The following RFTN2 variants were observed in gnomAD, a reference collection of about 807,000 sequenced individuals.
RFTN2 encodes raftlin-2.
In RFTN2, 34 loss-of-function variants were observed where a neutral mutation model predicts 52.7. That is an observed-to-expected ratio of 0.64 (90% CI 0.49 to 0.86). The LOEUF (loss-of-function observed/expected upper bound fraction) is 0.86. Among genes scored for constraint, RFTN2 ranks in the 40% least tolerant of loss-of-function variants. The probability of loss-of-function intolerance (pLI) is 0.00; values close to 1 mark genes in which losing one functional copy is unlikely to be tolerated. For synonymous variants in RFTN2, 203 were observed against 217.7 expected (o/e 0.93, Z 0.59); for missense variants, 536 against 600.1 (o/e 0.89, Z 1.12).
At chr2:197,589,915 CT>C (rs1180956420) in intron 8 of RFTN2, among the ~76,000 whole-genome samples, 1 of 151,252 alleles carries the variant, frequency 6.6e-6, no homozygotes. Flanking sequence ...TGTCTAAAAA[CT>C]TTTTTTTTGA....
At chr2:197,628,687 A>G (rs1001751372) in intron 5 of RFTN2, among the ~76,000 whole-genome samples, 5 of 152,198 alleles carry the variant, frequency 3.3e-5, no homozygotes, top group African/African-American at 4.8e-5. Flanking sequence ...GATCCACACT[A>G]AAAGTACTGT....
chr2:197,582,163 C>T (rs2087521149), intron 8 of RFTN2, among the ~76,000 whole-genome samples: 1 of 152,150 alleles, frequency 6.6e-6, no homozygotes, highest in African/African-American at 2.4e-5. Context: ...TTTTAGAGGC[C>T]CTCAAAATCA....
intron 1 of RFTN2, among the ~76,000 whole-genome samples, chr2:197,664,053 A>G (rs1016715374): frequency 1.3e-5 from 2 of 152,170 alleles, no homozygotes; most frequent in Admixed American, 1.3e-4. Context: ...CATTAACCCA[A>G]TAGTCATTCA....
chr2:197,667,143 G>A (rs987614867), intron 1 of RFTN2, among the ~76,000 whole-genome samples: 1 of 152,096 alleles, frequency 6.6e-6, no homozygotes, highest in Non-Finnish European at 1.5e-5. Flanking sequence ...ACCATGTCCA[G>A]CTAATTTTAT....
intron 8 of RFTN2, among the ~76,000 whole-genome samples, chr2:197,590,263 A>G (rs1484911047): frequency 6.6e-6 from 1 of 152,082 alleles, no homozygotes; most frequent in Non-Finnish European, 1.5e-5. Flanking sequence ...TTTTTTCCTA[A>G]TAGTTTTCTA....
At position 197,631,069 on chromosome 2, in the gene RFTN2, A is replaced by T; in HGVS notation, c.870T>A (p.Phe290Leu). 6.2e-7 allele frequency: 1 copy of T among 1,613,270 alleles called. No individual in the cohort carries two copies. The highest frequency in any genetic ancestry group is 8.5e-7 in the Non-Finnish European group (1 of 1,179,360). Residue 290 changes from phenylalanine (F) to leucine (L), a missense_variant, in exon 5 of 9, where the codon TTT becomes TTA. Transcript: ENST00000295049. ...TTAAAGACAAGCCTTGTTTATAATAAAAGGTAGTTAACTCCAGCCAATCAG... is the reference window on the plus strand; with the variant it reads ...TTAAAGACAAGCCTTGTTTATAATATAAGGTAGTTAACTCCAGCCAATCAG... ...LDADWLELTT[F>L]YYKQGLSLID...
intron 5 of RFTN2, among the ~76,000 whole-genome samples, chr2:197,619,871 T>C (rs534341910): frequency 2.7e-5 from 4 of 150,834 alleles, no homozygotes; most frequent in African/African-American, 9.6e-5. Context: ...AACACTTTTT[T>C]TTTTTTTTTT....
chr2:197,608,791 C>T (rs1038140623), intron 7 of RFTN2, among the ~76,000 whole-genome samples: 4 of 151,812 alleles, frequency 2.6e-5, no homozygotes, highest in Non-Finnish European at 5.9e-5. Flanking sequence ...CAGCTCCCCA[C>T]CCCACAACAG....
intron 5 of RFTN2, among the ~76,000 whole-genome samples, chr2:197,622,488 T>G (rs1421684445): frequency 6.6e-6 from 1 of 152,092 alleles, no homozygotes; most frequent in African/African-American, 2.4e-5. Flanking sequence ...GTATTTTTAG[T>G]AGAGGCGGGG....
Position 197,634,050 on chromosome 2 carries a change from T to C in RFTN2, c.439-53A>G, listed in dbSNP as rs569507517. 1.5e-4 allele frequency: 222 copies of C among 1,458,548 alleles called. 2 individuals carry two copies. In the East Asian group the frequency reaches 4.9e-3, roughly 32 times the overall value. 90.4% of individuals were successfully genotyped at this position (1,458,548 alleles called of 1,614,324 possible). Reference sequence around the variant, plus strand: ...AAAATGTAAACTCTATTTTCATTGATTACTTTATCAATTAACCTTTAGGCT... The same window carrying C: ...AAAATGTAAACTCTATTTTCATTGACTACTTTATCAATTAACCTTTAGGCT... On this transcript the variant is annotated intron_variant, in intron 3 of 8. Transcript: ENST00000295049.
chr2:197,621,407 T>TTG (rs1199719278), intron 5 of RFTN2, among the ~76,000 whole-genome samples: 1 of 151,372 alleles, frequency 6.6e-6, no homozygotes, highest in Non-Finnish European at 1.5e-5. Flanking sequence ...ACCGGTTTTT[T>TTG]TTTTTTTTTT....
At chr2:197,630,950 C>T (rs1244671098) in intron 5 of RFTN2, 61 bp downstream of exon 5, 2 of 1,138,552 alleles carry the variant, frequency 1.8e-6, no homozygotes, top group Middle Eastern at 2.5e-4. Flanking sequence ...AAAACATTTT[C>T]ACTGATTTTG....
In RFTN2 at chr2:197,633,753, C is replaced by G. The variant is rs1398309400; in HGVS notation, c.683G>C (p.Gly228Ala). 1 of 1,613,488 alleles carries G rather than the reference C, an allele frequency of 6.2e-7. No individual in the cohort carries two copies. Among genetic ancestry groups the G allele is most frequent in the Non-Finnish European group, 8.5e-7 (1 of 1,179,674 alleles). The stretch of plus-strand genomic sequence containing the variant: ...TCTTGATTTAGAGGAAGTAGGGCTG[C>G]CATTTTGTTCCATTTGATACTGTCC... ...ESGQYQMEQNGSPTSSKSRKG... is the reference protein window; with the variant it reads ...ESGQYQMEQNASPTSSKSRKG... Residue 228 changes from glycine (G) to alanine (A), a missense_variant, in exon 4 of 9, where the codon GGC becomes GCC. Physicochemically the swap from Gly to Ala is moderately conservative, Grantham distance 60 (BLOSUM62 0). Coordinates refer to ENST00000295049, the MANE Select transcript of RFTN2 (RefSeq NM_144629.3).
Position 197,675,455 on chromosome 2 carries a change from C to A in RFTN2, c.4G>T (p.Gly2Trp). Residue 2 changes from glycine (G) to tryptophan (W), a missense_variant, in exon 1 of 9, where the codon GGG becomes TGG. Coordinates refer to ENST00000295049, the MANE Select transcript of RFTN2 (RefSeq NM_144629.3). ...TCTTCTAGCTTTCTAAGTCCGCACC[C>A]CATGGCAAAATCTGTAAGGAATTAA... MGCGLRKLEDPD... is the reference protein window; with the variant it reads MWCGLRKLEDPD... 2 of 1,567,806 alleles carry A rather than the reference C, an allele frequency of 1.3e-6. No individual in the cohort carries two copies. Among genetic ancestry groups the A allele is most frequent in the Non-Finnish European group, 1.7e-6 (2 of 1,158,382 alleles).
At chr2:197,638,623 C>T (rs2088609286) in intron 3 of RFTN2, among the ~76,000 whole-genome samples, 1 of 147,304 alleles carries the variant, frequency 6.8e-6, no homozygotes, top group Non-Finnish European at 1.5e-5. Context: ...TATTTTGAGC[C>T]TATGTGTGTT....
chr2:197,643,498 G>A (rs529783339), intron 3 of RFTN2, among the ~76,000 whole-genome samples: 5 of 152,238 alleles, frequency 3.3e-5, no homozygotes, highest in Admixed American at 1.3e-4. Context: ...AACATTATTA[G>A]GTTGAACCTG....
intron 4 of RFTN2, among the ~76,000 whole-genome samples, chr2:197,632,541 C>G (rs1394600401): frequency 1.3e-5 from 2 of 152,204 alleles, no homozygotes; most frequent in Admixed American, 1.3e-4. Context: ...TCAATTAAAT[C>G]TCTTTCCTTT....
At chr2:197,576,165 T>G (rs1174715872) in intron 8 of RFTN2, among the ~76,000 whole-genome samples, 8 of 151,828 alleles carry the variant, frequency 5.3e-5, no homozygotes, top group Non-Finnish European at 7.4e-5. Context: ...TGCGCCACCT[T>G]GCCAGCTAAT....
At chr2:197,620,476 A>T (rs2088244535) in intron 5 of RFTN2, among the ~76,000 whole-genome samples, 1 of 152,244 alleles carries the variant, frequency 6.6e-6, no homozygotes, top group South Asian at 2.1e-4. Flanking sequence ...TAAATTCTAA[A>T]GGCCTGCAAA....
Sources: allele counts gnomAD v4.1 joint callset (sites outside exome capture counted in the v4.1 genomes callset), GRCh38; gene constraint gnomAD v4.1.1; transcripts MANE v1.5; gene names NCBI Gene and HGNC (gene_info 2026-07-23, HGNC 2026-07-21).